The following ARID2 variants were observed in gnomAD, a reference collection of about 807,000 sequenced individuals.
ARID2 encodes the protein AT-rich interactive domain-containing protein 2.
In ARID2, 32 loss-of-function variants were observed where a neutral mutation model predicts 184.6. The ratio of observed to expected loss-of-function variants is 0.17; its 90% CI spans 0.13 to 0.23. The LOEUF (loss-of-function observed/expected upper bound fraction) is 0.23, where lower values mean the gene tolerates loss of function less well. ARID2 is among the 10% of genes least tolerant of loss of function. The pLI, the probability that ARID2 is intolerant of heterozygous loss-of-function variation, is 1.00. For missense variants in ARID2, 1,696 were observed against 2,197.6 expected, an observed-to-expected ratio of 0.77 and a Z score of 4.56; for synonymous variants, 836 against 772.6, an observed-to-expected ratio of 1.08 and a Z score of -1.36.
chr12:45,742,470 T>A (rs1342343659), intron 3 of ARID2, among the ~76,000 whole-genome samples: 1 of 152,198 alleles, frequency 6.6e-6, no homozygotes, highest in Admixed American at 6.5e-5. Flanking sequence ...ATTATGAAAT[T>A]CAACAAATTT....
intron 3 of ARID2, among the ~76,000 whole-genome samples, chr12:45,809,530 T>C (rs1222858094): frequency 6.6e-6 from 1 of 152,238 alleles, no homozygotes; most frequent in Non-Finnish European, 1.5e-5. Context: ...TTTGTGTTCT[T>C]AGACTGTAAA....
intron 3 of ARID2, among the ~76,000 whole-genome samples, chr12:45,771,018 A>G (rs1941865343): frequency 6.6e-6 from 1 of 152,168 alleles, no homozygotes; most frequent in Non-Finnish European, 1.5e-5. Flanking sequence ...AGTTACTTGG[A>G]CTGAAAGCCG....
chr12:45,849,902 T>C lies in ARID2; in HGVS notation c.1912+126T>C, dbSNP rs535471811. ...TCCAGTAGCATTTTCTTACTTGGTC[T>C]ATTACCATATTCATATGATTCAAAA... On this transcript the variant is annotated intron_variant, in intron 14 of 20. Transcript: ENST00000334344. 5.0e-6 allele frequency: 7 copies of C among 1,410,752 alleles called. No individual in the cohort carries two copies. The African/African-American group carries it at 1.0e-4, about 21-fold the overall frequency. The allele number at this position is 1,410,752 out of a possible 1,614,324, so 87.4% of individuals were successfully genotyped here. A position where few individuals can be genotyped will look rare whatever the true frequency, so the allele number is the denominator to read the frequency against.
At chr12:45,894,513 C>T (rs1223924992) in intron 20 of ARID2, among the ~76,000 whole-genome samples, 1 of 152,030 alleles carries the variant, frequency 6.6e-6, no homozygotes, top group East Asian at 1.9e-4. Context: ...ATTTTTTTTG[C>T]AATGACCTTT....
In ARID2 at chr12:45,836,943, T is replaced by G. The variant is rs1377376309; in HGVS notation, c.975T>G (p.Ile325Met). The change falls in exon 8 of 21, where the codon ATT (isoleucine) becomes ATG (methionine). Residue 325 changes from isoleucine (I) to methionine (M), a missense_variant. By Grantham distance (10) the Ile-to-Met change is conservative. Around this residue, in one of 11 missense-constraint regions of ARID2, gnomAD observed 86 missense variants for 200.8 expected, o/e 0.43. Transcript: ENST00000334344. ...TACTTTCTGCACATAGTCATTTTAT[T>G]TCTTTAAGGCAATTAGGCCTTGACA... is the stretch of plus-strand genomic sequence containing the variant. ...FLLLSAHSHF[I>M]SLRQLGLDTL... 1 of 1,614,084 alleles carries G rather than the reference T, an allele frequency of 6.2e-7. No homozygotes were observed. Among genetic ancestry groups the G allele is most frequent in the South Asian group, 1.1e-5 (1 of 91,084 alleles).
At chr12:45,825,150 GAATAAAT>G (rs1461628476) in intron 6 of ARID2, among the ~76,000 whole-genome samples, 5 of 151,892 alleles carry the variant, frequency 3.3e-5, no homozygotes, top group Non-Finnish European at 7.4e-5. Flanking sequence ...TAGTTAGAAA[GAATAAAT>G]AATAAATTCT....
At chr12:45,849,495 C>T in intron 13 of ARID2, 85 bp from the exon 14 acceptor site, 1 of 1,074,476 alleles carries the variant, frequency 9.3e-7, no homozygotes, top group Non-Finnish European at 1.4e-6. Flanking sequence ...CAACAGTAAA[C>T]ATACTGCTGT....
chr12:45,806,775 T>C (rs1942611166), intron 3 of ARID2, among the ~76,000 whole-genome samples: 1 of 152,162 alleles, frequency 6.6e-6, no homozygotes, highest in Non-Finnish European at 1.5e-5. Context: ...ATCACATCAG[T>C]GTAGGTCCCT....
At position 45,838,991 on chromosome 12, in the gene ARID2, G is replaced by A. The variant is rs558158385; in HGVS notation, c.1331-338G>A. ...TGCCATTCTCCTGCCTCAGCCTTCC[G>A]AGTAGCTGGGACTACAGGCACCATG... is the stretch of plus-strand genomic sequence containing the variant. On this transcript the variant is annotated intron_variant, in intron 10 of 20. Coordinates refer to ENST00000334344, the MANE Select transcript of ARID2 (RefSeq NM_152641.4). Among the ~76,000 whole-genome samples the A allele has an allele frequency of 3.5e-4, 52 of 150,074 alleles. 1 individual carries two copies. Among genetic ancestry groups the A allele is most frequent in the African/African-American group, 1.3e-3 (51 of 40,770 alleles).
At chr12:45,753,611 T>C (rs1941509647) in intron 3 of ARID2, among the ~76,000 whole-genome samples, 1 of 152,194 alleles carries the variant, frequency 6.6e-6, no homozygotes, top group Non-Finnish European at 1.5e-5. Context: ...GGTTTCTTTT[T>C]TCTTTTTTTG....
intron 3 of ARID2, among the ~76,000 whole-genome samples, chr12:45,796,771 C>G (rs1272668693): frequency 1.3e-5 from 2 of 152,134 alleles, no homozygotes; most frequent in Non-Finnish European, 2.9e-5. Context: ...CCTTGGCCTC[C>G]CAGAGTGAAT....
chr12:45,852,480 G>C lies in ARID2; in HGVS notation c.4357G>C (p.Ala1453Pro), dbSNP rs757556695. 2.5e-6 allele frequency: 4 copies of C among 1,614,176 alleles called. No homozygotes were observed. The highest frequency in any genetic ancestry group is 3.4e-6 in the Non-Finnish European group (4 of 1,180,012). ...SGTDLLNGPL[A>P]SSLNSDVPQQ... is the part of the protein sequence containing the mutation. ...TACTGATTTGCTTAATGGACCTCTA[G>C]CTTCAAGTTTGAATTCAGATGTGCC... Residue 1453 changes from alanine to proline, a missense_variant, in exon 15 of 21, where the codon GCT (alanine) becomes CCT (proline). Physicochemically the swap from Ala to Pro is conservative, Grantham distance 27 (BLOSUM62 -1). Around this residue, in one of 11 missense-constraint regions of ARID2, gnomAD observed 428 missense variants for 409.1 expected, o/e 1.05. Coordinates refer to ENST00000334344, the MANE Select transcript of ARID2 (RefSeq NM_152641.4).
chr12:45,737,904 T>C (rs527502835), intron 3 of ARID2, among the ~76,000 whole-genome samples: 31 of 152,256 alleles, frequency 2.0e-4, no homozygotes, highest in African/African-American at 7.2e-4. Flanking sequence ...ACTTTGTCTC[T>C]GGACTCTAGA....
rs765259548 is a variant in ARID2 at position 45,862,876 on chromosome 12, C to T, written c.4922+1927C>T. ...TCTAAACAAGACAGATTAAACAGGGCTTCTTAGAGCATGCCATTTTTTTTT... is the reference window on the plus strand; with the variant it reads ...TCTAAACAAGACAGATTAAACAGGGTTTCTTAGAGCATGCCATTTTTTTTT... On this transcript the variant is annotated intron_variant, in intron 16 of 20. Transcript: ENST00000334344. Among the ~76,000 whole-genome samples, 9 of 140,654 alleles carry T rather than the reference C, an allele frequency of 6.4e-5. No homozygotes were observed. In the Admixed American group the frequency reaches 6.9e-4, roughly 11 times the overall value. 92.3% of individuals were successfully genotyped at this position (140,654 alleles called of 152,430 possible).
chr12:45,883,190 T>C (rs969167658), intron 16 of ARID2, among the ~76,000 whole-genome samples: 17 of 152,150 alleles, frequency 1.1e-4, no homozygotes, highest in African/African-American at 3.6e-4. Context: ...AGGCCTTAAC[T>C]ACTGATTTGC....
intron 11 of ARID2, among the ~76,000 whole-genome samples, chr12:45,846,354 T>C (rs1298143700): frequency 6.6e-6 from 1 of 152,182 alleles, no homozygotes; most frequent in African/African-American, 2.4e-5. Flanking sequence ...CTTACAGAGT[T>C]ATTAATCTTT....
In ARID2 at chr12:45,797,578, A is replaced by G. The variant is rs187954981; in HGVS notation, c.285-13840A>G. Among the ~76,000 whole-genome samples, 4 of 152,252 alleles carry G rather than the reference A, an allele frequency of 2.6e-5. No homozygotes were observed. The East Asian group carries it at 7.7e-4, about 29-fold the overall frequency. Reference sequence around the variant, plus strand: ...ATAAATATCTTAGTCTTTCTTGGAGATAATGATTTCTCATGCTAAGAAGAG... The same window carrying G: ...ATAAATATCTTAGTCTTTCTTGGAGGTAATGATTTCTCATGCTAAGAAGAG... On this transcript the variant is annotated intron_variant, in intron 3 of 20. Coordinates refer to ENST00000334344, the MANE Select transcript of ARID2 (RefSeq NM_152641.4).
At chr12:45,880,726 C>A (rs1321633646) in intron 16 of ARID2, among the ~76,000 whole-genome samples, 1 of 152,334 alleles carries the variant, frequency 6.6e-6, no homozygotes, top group East Asian at 1.9e-4. Context: ...ATGCTGATGT[C>A]TCAAACAGGC....
intron 5 of ARID2, among the ~76,000 whole-genome samples, chr12:45,820,843 GA>G (rs1179553403): frequency 6.6e-6 from 1 of 152,144 alleles, no homozygotes. Context: ...TTATTAAGAA[GA>G]AGCTTACGAA....
Sources: allele counts gnomAD v4.1 joint callset (sites outside exome capture counted in the v4.1 genomes callset), GRCh38; gene constraint gnomAD v4.1.1; regional missense constraint gnomAD v4.1.1; transcripts MANE v1.5; gene names NCBI Gene and HGNC (gene_info 2026-07-23, HGNC 2026-07-21).